Variants in PRKCE observed in about 807,000 individuals in gnomAD.
PRKCE encodes the protein protein kinase C epsilon type.
Under a neutral mutation model 85.4 loss-of-function variants are expected in PRKCE, and 16 were observed. The ratio of observed to expected loss-of-function variants is 0.19; its 90% CI spans 0.13 to 0.28. PRKCE has a LOEUF of 0.28. Ranked by LOEUF, PRKCE falls within the 10% of genes least tolerant of loss-of-function variation. The probability of loss-of-function intolerance (pLI) is 1.00; values close to 1 mark genes in which losing one functional copy is unlikely to be tolerated. For synonymous variants in PRKCE, 388 were observed against 371.5 expected (o/e 1.04, Z -0.51); for missense variants, 573 against 975.2 (o/e 0.59, Z 5.49).
intron 1 of PRKCE, among the ~76,000 whole-genome samples, chr2:45,762,483 C>G (rs756487845): frequency 1.3e-5 from 2 of 152,218 alleles, no homozygotes; most frequent in East Asian, 1.9e-4. Context: ...AGGAAAGTCC[C>G]TTTTGGTACA....
At chr2:45,870,051 G>A (rs73928841) in intron 2 of PRKCE, among the ~76,000 whole-genome samples, 5,226 of 152,166 alleles carry the variant, frequency 0.034, 312 homozygotes, top group African/African-American at 0.12. Context: ...AGGATAAACT[G>A]CTCTCCTTCC....
rs544989096 is a variant in PRKCE at position 45,841,414 on chromosome 2, A to C, written c.349-1586A>C. ...AAGTCCAAGAGTCCAAAAGCTGAAA[A>C]ACTTGGGGTCTGATGTTTGAGGGCA... On this transcript the variant is annotated intron_variant, in intron 1 of 14. Transcript: ENST00000306156. 9.6e-4 allele frequency among the ~76,000 whole-genome samples: 146 copies of C among 152,318 alleles called. 2 individuals carry two copies. Among genetic ancestry groups the C allele is most frequent in the South Asian group, 7.3e-3 (35 of 4,824 alleles).
intron 1 of PRKCE, among the ~76,000 whole-genome samples, chr2:45,828,768 A>G (rs1166866402): frequency 6.6e-6 from 1 of 152,184 alleles, no homozygotes; most frequent in Admixed American, 6.5e-5. Context: ...AAAGCAAAAA[A>G]TTACTTATTT....
chr2:45,852,969 C>A (rs1052752214), intron 2 of PRKCE, among the ~76,000 whole-genome samples: 1 of 152,186 alleles, frequency 6.6e-6, no homozygotes, highest in Non-Finnish European at 1.5e-5. Flanking sequence ...GTCCCTGAAC[C>A]GCACTTGGAG....
intron 1 of PRKCE, among the ~76,000 whole-genome samples, chr2:45,725,160 T>C (rs1680947899): frequency 6.6e-6 from 1 of 152,232 alleles, no homozygotes; most frequent in African/African-American, 2.4e-5. Flanking sequence ...TCTTAAGAAT[T>C]ATGCTGATTC....
chr2:45,983,559 C>G (rs562429332), intron 5 of PRKCE, among the ~76,000 whole-genome samples: 2 of 152,276 alleles, frequency 1.3e-5, no homozygotes, highest in East Asian at 1.9e-4. Flanking sequence ...TGCTTCTAGC[C>G]TCTTCCACCC....
intron 1 of PRKCE, among the ~76,000 whole-genome samples, chr2:45,795,267 C>G (rs1449891838): frequency 6.6e-6 from 1 of 152,160 alleles, no homozygotes. Context: ...ACCACCACAT[C>G]CATGCTCTGC....
chr2:45,807,449 T>C (rs997868159), intron 1 of PRKCE, among the ~76,000 whole-genome samples: 1 of 152,228 alleles, frequency 6.6e-6, no homozygotes, highest in Non-Finnish European at 1.5e-5. Context: ...GGGCTATGAA[T>C]AGATGTGACA....
intron 2 of PRKCE, among the ~76,000 whole-genome samples, chr2:45,843,409 T>C (rs1334638195): frequency 1.3e-5 from 2 of 152,090 alleles, no homozygotes; most frequent in Non-Finnish European, 2.9e-5. Flanking sequence ...GTAAAACCAG[T>C]TGGTCTAACG....
intron 2 of PRKCE, among the ~76,000 whole-genome samples, chr2:45,867,190 A>G (rs907184897): frequency 1.3e-5 from 2 of 152,184 alleles, no homozygotes; most frequent in Admixed American, 1.3e-4. Flanking sequence ...AAACAGTAGA[A>G]AAGGCATTGG....
intron 2 of PRKCE, among the ~76,000 whole-genome samples, chr2:45,936,336 C>G (rs922615292): frequency 2.6e-5 from 4 of 152,202 alleles, no homozygotes; most frequent in African/African-American, 9.7e-5. Context: ...AACCCGTGCC[C>G]CAGCCATGCT....
At chr2:46,122,613 C>T (rs1298341786) in intron 11 of PRKCE, among the ~76,000 whole-genome samples, 1 of 152,100 alleles carries the variant, frequency 6.6e-6, no homozygotes, top group Non-Finnish European at 1.5e-5. Context: ...TCTGACCTTA[C>T]CCAGGTTTGG....
rs974290225 is a variant in PRKCE, at chr2:46,068,247, G to A, written c.1438-17961G>A. ...TTGAGTCATAGGCTATCTAACTTACGAGCATGCCTACTCTGTTAGGTCCAG... is the reference window on the plus strand; with the variant it reads ...TTGAGTCATAGGCTATCTAACTTACAAGCATGCCTACTCTGTTAGGTCCAG... On this transcript the variant is annotated intron_variant, in intron 10 of 14. Coordinates refer to ENST00000306156, the MANE Select transcript of PRKCE (RefSeq NM_005400.3). The surrounding 1 kb of genome is among the most constrained non-coding windows in gnomAD (Gnocchi z 4.3). 6.6e-5 allele frequency among the ~76,000 whole-genome samples: 10 copies of A among 151,986 alleles called. No individual in the cohort carries two copies. Among genetic ancestry groups the A allele is most frequent in the South Asian group, 4.1e-4 (2 of 4,820 alleles).
chr2:46,007,855 C>T (rs1705339972), intron 9 of PRKCE, among the ~76,000 whole-genome samples, 194 bp downstream of exon 9: 2 of 152,346 alleles, frequency 1.3e-5, no homozygotes, highest in East Asian at 1.9e-4. Flanking sequence ...CTATATGAGA[C>T]TTTCAAGTAG....
intron 2 of PRKCE, among the ~76,000 whole-genome samples, chr2:45,901,140 T>C (rs1696549322): frequency 1.3e-5 from 2 of 152,328 alleles, no homozygotes; most frequent in South Asian, 4.1e-4. Context: ...TATATAGATG[T>C]TTGGAATCCA....
At chr2:45,793,050 T>C (rs1687155646) in intron 1 of PRKCE, among the ~76,000 whole-genome samples, 1 of 152,194 alleles carries the variant, frequency 6.6e-6, no homozygotes, top group Non-Finnish European at 1.5e-5. Context: ...CTGCCCGCCT[T>C]GGCCTCCCAA....
intron 1 of PRKCE, among the ~76,000 whole-genome samples, chr2:45,736,810 A>G (rs1167506267): frequency 2.0e-5 from 3 of 151,952 alleles, no homozygotes; most frequent in Non-Finnish European, 4.4e-5. Flanking sequence ...AACACTAGGC[A>G]GTGATGGTAA....
intron 10 of PRKCE, among the ~76,000 whole-genome samples, chr2:46,079,344 A>C (rs1482423324): frequency 1.3e-5 from 2 of 152,214 alleles, no homozygotes; most frequent in Non-Finnish European, 2.9e-5. Flanking sequence ...AGAGTTTAGC[A>C]CATAATTATA....
chr2:45,708,006 T>C (rs1434075489), intron 1 of PRKCE, among the ~76,000 whole-genome samples: 1 of 152,216 alleles, frequency 6.6e-6, no homozygotes, highest in Non-Finnish European at 1.5e-5. Context: ...ATTGGAGGCC[T>C]CCTCGATGGC....
Sources: gnomAD v4.1 joint callset for allele counts (sites outside exome capture counted in the v4.1 genomes callset) on GRCh38, gnomAD v4.1.1 for gene constraint, Gnocchi (gnomAD v3.1) non-coding constraint, MANE v1.5 for transcripts, NCBI Gene and HGNC (gene_info 2026-07-23, HGNC 2026-07-21) for gene names.